The following PADI6 variants were observed in gnomAD, a reference collection of about 807,000 sequenced individuals.
The protein encoded by PADI6 is peptidyl arginine deiminase 6.
PADI6 carries 66 observed loss-of-function variants against 78.2 expected under a neutral mutation model. The observed-to-expected ratio is 0.84, with a 90% CI of 0.69 to 1.04. PADI6 has a LOEUF of 1.04. Among genes scored for constraint, PADI6 ranks in the 50% least tolerant of loss-of-function variants. The pLI, the probability that PADI6 is intolerant of heterozygous loss-of-function variation, is 0.00. For missense variants in PADI6, 854 were observed against 866.1 expected (o/e 0.99, Z 0.18); for synonymous variants, 397 against 346.9 (o/e 1.14, Z -1.60).
At position 17,392,237 on chromosome 1, in the gene PADI6, C is replaced by A. The variant is rs1241954295; in HGVS notation, c.1074+12C>A. ...GCAGGTGGCTCCAGGTAACACCCCACCTGGGAACCCACCTGTCGGGGAGGG... is the reference window on the plus strand; with the variant it reads ...GCAGGTGGCTCCAGGTAACACCCCAACTGGGAACCCACCTGTCGGGGAGGG... On this transcript the variant is annotated intron_variant, in intron 9 of 15. Transcript: ENST00000619609. 5 of 1,543,360 alleles carry A rather than the reference C, an allele frequency of 3.2e-6. No individual in the cohort carries two copies. Among genetic ancestry groups the A allele is most frequent in the Non-Finnish European group, 4.4e-6 (5 of 1,139,378 alleles).
intron 6 of PADI6, among the ~76,000 whole-genome samples, chr1:17,383,060 G>GGT (rs2075088279): frequency 6.6e-6 from 1 of 152,242 alleles, no homozygotes; most frequent in South Asian, 2.1e-4. Flanking sequence ...TGGGATTACA[G>GGT]GTGTGAGCTA....
intron 3 of PADI6, among the ~76,000 whole-genome samples, chr1:17,377,457 C>A (rs1428383514): frequency 1.3e-5 from 2 of 152,186 alleles, no homozygotes; most frequent in African/African-American, 4.8e-5. Flanking sequence ...TCACGTGACT[C>A]TAATGTCACC....
chr1:17,401,211 A>T lies in PADI6; in HGVS notation c.1858A>T (p.Met620Leu), dbSNP rs761816309. 8.1e-6 allele frequency: 13 copies of T among 1,613,728 alleles called. 1 individual carries two copies. The highest frequency in any genetic ancestry group is 7.6e-6 in the Non-Finnish European group (9 of 1,179,810). Reference sequence around the variant, plus strand: ...CACCCTGTCTTTCTAACAGTTGCGGATGATTGTGATGGGCAAGAACCTGGG... The same window carrying T: ...CACCCTGTCTTTCTAACAGTTGCGGTTGATTGTGATGGGCAAGAACCTGGG... The part of the protein sequence containing the change: ...ARPYFPDLLR[M>L]IVMGKNLGIP... Residue 620 changes from methionine (M) to leucine (L), a missense_variant, in exon 16 of 16, where the codon ATG becomes TTG. Met to Leu is a conservative substitution (Grantham distance 15). Coordinates refer to ENST00000619609, the MANE Select transcript of PADI6 (RefSeq NM_207421.4).
rs745714728 is a variant in PADI6, at chr1:17,375,448, C to A, written c.316C>A (p.Pro106Thr). 8 of 1,611,370 alleles carry A rather than the reference C, an allele frequency of 5.0e-6. No homozygotes were observed. The South Asian group carries it at 8.9e-5, about 18-fold the overall frequency. Residue 106 changes from proline (P) to threonine (T), a missense_variant, in exon 3 of 16, where the codon CCC becomes ACC. Pro to Thr is a conservative substitution (Grantham distance 38). Coordinates refer to ENST00000619609, the MANE Select transcript of PADI6 (RefSeq NM_207421.4). Reference protein sequence around the residue: ...ADKVSVTYYGPNEDAPVGTAV... With the variant: ...ADKVSVTYYGTNEDAPVGTAV... ...ACAGGTCTCGGTCACATACTATGGGCCCAACGAGGATGCCCCCGTGGGCAC... is the reference window on the plus strand; with the variant it reads ...ACAGGTCTCGGTCACATACTATGGGACCAACGAGGATGCCCCCGTGGGCAC...
At position 17,375,315 on chromosome 1, in the gene PADI6, G is replaced by T. The variant is rs187586423; in HGVS notation, c.295-112G>T. 1.0e-5 allele frequency: 10 copies of T among 957,710 alleles called. No homozygotes were observed. The African/African-American group carries it at 1.1e-4, about 11-fold the overall frequency. 59.3% of individuals were successfully genotyped at this position (957,710 alleles called of 1,614,324 possible). A position where few individuals can be genotyped will look rare whatever the true frequency, so the allele number is the denominator to read the frequency against. ...CCAGCTCATAGGTGAGACTTCAGAA[G>T]CCATAACACAAGACCAAGATCCCAC... On this transcript the variant is annotated intron_variant, in intron 2 of 15. Coordinates refer to ENST00000619609, the MANE Select transcript of PADI6 (RefSeq NM_207421.4).
At chr1:17,378,484 C>T (rs187899919) in intron 3 of PADI6, among the ~76,000 whole-genome samples, 30 of 152,314 alleles carry the variant, frequency 2.0e-4, no homozygotes, top group Admixed American at 1.4e-3. Flanking sequence ...CAAAAGACCA[C>T]ACTGGAGCGA....
At chr1:17,390,173 G>A (rs1478279320) in intron 8 of PADI6, among the ~76,000 whole-genome samples, 1 of 151,858 alleles carries the variant, frequency 6.6e-6, no homozygotes, top group Non-Finnish European at 1.5e-5. Context: ...GGTAGTGCAT[G>A]CCTGTAGTCC....
At chr1:17,376,209 G>A (rs149271318) in intron 3 of PADI6, among the ~76,000 whole-genome samples, 8,540 of 151,726 alleles carry the variant, frequency 0.056, 795 homozygotes, top group African/African-American at 0.2. Context: ...TCCTGACCTC[G>A]CGATCCACCT....
In PADI6 at chr1:17,397,057, GCTT is replaced by G; in HGVS notation, c.1619-9_1619-7del. 1 of 1,612,932 alleles carries G rather than the reference GCTT, an allele frequency of 6.2e-7. No homozygotes were observed. The highest frequency in any genetic ancestry group is 8.5e-7 in the Non-Finnish European group (1 of 1,179,454). ...TCCCTGACCAGCAGGCCTGCTGCCC[GCTT>G]CTTCCTACAGGAAGGGAAGCCAAAA... On this transcript the variant is annotated splice_polypyrimidine_tract_variant and intron_variant, in intron 13 of 15. Transcript: ENST00000619609.
intron 14 of PADI6, 37 bp from the exon 15 acceptor site, chr1:17,398,649 C>CGGGGGGGG: frequency 3.3e-5 from 3 of 91,312 alleles, no homozygotes; most frequent in African/African-American, 7.2e-5. Context: ...TCTCCTTGCT[C>CGGGGGGGG]CCCCGCCCCC....
At chr1:17,383,986 T>TA (rs969545618) in intron 6 of PADI6, among the ~76,000 whole-genome samples, 5 of 151,094 alleles carry the variant, frequency 3.3e-5, no homozygotes, top group African/African-American at 9.7e-5. Context: ...ACATCTCTAC[T>TA]AAAAAATACA....
rs202060510 is a variant in PADI6, at chr1:17,373,181, C to T, written c.242C>T (p.Thr81Met). The T allele has an allele frequency of 6.6e-4, 1,060 of 1,613,862 alleles. No homozygotes were observed. The highest frequency in any genetic ancestry group is 8.5e-4 in the Non-Finnish European group (1,004 of 1,179,890). Residue 81 changes from threonine (T) to methionine (M), a missense_variant, in exon 2 of 16, where the codon ACG becomes ATG. Transcript: ENST00000619609. ...ATCTGGTGGCCCCTGTCTGATCCCA[C>T]GTACGCCACAGTGAAGATGACATCG... Reference protein sequence around the residue: ...ATIWWPLSDPTYATVKMTSPS... With the variant: ...ATIWWPLSDPMYATVKMTSPS...
At chr1:17,395,733 C>T (rs1009526085) in intron 13 of PADI6, 70 bp downstream of exon 13, 52 of 1,523,502 alleles carry the variant, frequency 3.4e-5, no homozygotes, top group Non-Finnish European at 8.0e-6. Flanking sequence ...TCTACATAGC[C>T]ATTCTGTCAC....
At chr1:17,400,857 A>G (rs752695471) in intron 15 of PADI6, among the ~76,000 whole-genome samples, 59 of 152,078 alleles carry the variant, frequency 3.9e-4, no homozygotes, top group Non-Finnish European at 7.6e-4. Flanking sequence ...TTTGAGGAGG[A>G]GTTGAGATAC....
intron 6 of PADI6, 48 bp downstream of exon 6, chr1:17,382,140 A>G: frequency 6.2e-7 from 1 of 1,602,542 alleles, no homozygotes; most frequent in East Asian, 2.2e-5. Context: ...TCGACGTGCC[A>G]GGCAAGTTGT....
intron 6 of PADI6, among the ~76,000 whole-genome samples, chr1:17,385,976 C>G (rs760668753): frequency 3.3e-5 from 5 of 151,814 alleles, no homozygotes; most frequent in Non-Finnish European, 7.3e-5. Context: ...TACCTGCTCT[C>G]AGAGCCTGCT....
intron 9 of PADI6, among the ~76,000 whole-genome samples, chr1:17,392,639 G>C (rs913027329): frequency 6.6e-6 from 1 of 152,176 alleles, no homozygotes; most frequent in African/African-American, 2.4e-5. Flanking sequence ...TCACATGCTA[G>C]GCACGCCATC....
At chr1:17,384,019 A>G (rs1411501714) in intron 6 of PADI6, among the ~76,000 whole-genome samples, 1 of 151,878 alleles carries the variant, frequency 6.6e-6, no homozygotes, top group African/African-American at 2.4e-5. Flanking sequence ...GCTTTGTGGC[A>G]TATACCTATA....
rs781144417 is a variant in PADI6, at chr1:17,394,987, C to T, written c.1374C>T (p.Asp458=). 1 of 1,613,456 alleles carries T rather than the reference C, an allele frequency of 6.2e-7. No individual in the cohort carries two copies. The highest frequency in any genetic ancestry group is 8.5e-7 in the Non-Finnish European group (1 of 1,179,880). ...GGGCCATGAGTAAGACCCTCCGAGA[C>T]TTCCTCTATGCCCAGCAGGTCCAAG... is the stretch of plus-strand genomic sequence containing the variant. ...EGRAMSKTLR[D]FLYAQQVQAP... The change falls in exon 12 of 16, where the codon GAC becomes GAT. Residue 458 remains aspartate (D), a synonymous_variant. Transcript: ENST00000619609.
Sources: gnomAD v4.1 joint callset for allele counts (sites outside exome capture counted in the v4.1 genomes callset) on GRCh38, gnomAD v4.1.1 for gene constraint, MANE v1.5 for transcripts, NCBI Gene and HGNC (gene_info 2026-07-23, HGNC 2026-07-21) for gene names.